The following MYO10 variants were observed in gnomAD, a reference collection of about 807,000 sequenced individuals.
MYO10 encodes unconventional myosin-X.
In MYO10, 133 loss-of-function variants were observed where a neutral mutation model predicts 257.3. The ratio of observed to expected loss-of-function variants is 0.52; its 90% CI spans 0.45 to 0.60. The LOEUF is 0.60. MYO10 is among the 20% of genes least tolerant of loss of function. The probability of loss-of-function intolerance (pLI) is 0.00; values close to 1 mark genes in which losing one functional copy is unlikely to be tolerated. For synonymous variants in MYO10, 1,104 were observed against 1,028.6 expected (o/e 1.07, Z -1.40); for missense variants, 2,399 against 2,635.7 (o/e 0.91, Z 1.97).
At chr5:16,905,238 A>G (rs1031472610) in intron 1 of MYO10, among the ~76,000 whole-genome samples, 5 of 152,118 alleles carry the variant, frequency 3.3e-5, no homozygotes, top group African/African-American at 9.7e-5. Context: ...ACCTCCAAGA[A>G]TGGACTCGGT....
chr5:16,761,596 A>C, intron 16 of MYO10, 50 bp from the exon 17 acceptor site: 2 of 1,370,524 alleles, frequency 1.5e-6, no homozygotes, highest in Non-Finnish European at 2.1e-6. Context: ...GAATAGTTTC[A>C]GGTCATAAGC....
rs548441815 is a variant in MYO10, at chr5:16,930,075, C to T, written c.21+5713G>A. Among the ~76,000 whole-genome samples, 3 of 152,268 alleles carry T rather than the reference C, an allele frequency of 2.0e-5. No individual in the cohort carries two copies. The East Asian group carries it at 5.8e-4, about 29-fold the overall frequency. On this transcript the variant is annotated intron_variant, in intron 1 of 40. Coordinates refer to ENST00000513610, the MANE Select transcript of MYO10 (RefSeq NM_012334.3). ...TACTTACAAATAAGATATTTAACCT[C>T]GCAAGGCTGTTTACTCATTTGAAAA...
chr5:16,893,633 C>CAAAAAAA (rs58021066), intron 1 of MYO10, among the ~76,000 whole-genome samples: 111 of 57,204 alleles, frequency 1.9e-3, no homozygotes, highest in African/African-American at 4.5e-3. Context: ...GACTCTGTCT[C>CAAAAAAA]AAAAAAAAAA....
chr5:16,892,595 A>G (rs558757679), intron 1 of MYO10, among the ~76,000 whole-genome samples: 42 of 152,174 alleles, frequency 2.8e-4, no homozygotes, highest in Non-Finnish European at 5.3e-4. Flanking sequence ...GTGAGCCAAG[A>G]CTGCGCCACT....
At chr5:16,902,448 G>T in intron 1 of MYO10, 1 of 1,274,876 alleles carries the variant, frequency 7.8e-7, no homozygotes, top group Non-Finnish European at 1.1e-6. Flanking sequence ...ATACAGCTTG[G>T]GAAGCACATA....
chr5:16,689,967 TGAA>T, intron 27 of MYO10, 48 bp from the exon 28 acceptor site: 1 of 1,371,442 alleles, frequency 7.3e-7, no homozygotes. Flanking sequence ...CACCAAATTC[TGAA>T]TAACTGAGGA....
At chr5:16,727,427 T>C (rs1739413276) in intron 19 of MYO10, among the ~76,000 whole-genome samples, 1 of 152,262 alleles carries the variant, frequency 6.6e-6, no homozygotes, top group Admixed American at 6.5e-5. Flanking sequence ...AAGGCTTGCA[T>C]GTTTAGAGAC....
chr5:16,676,191 T>C, intron 33 of MYO10, 37 bp from the exon 34 acceptor site: 2 of 1,604,100 alleles, frequency 1.2e-6, no homozygotes, highest in Non-Finnish European at 1.7e-6. Flanking sequence ...GTAAGAAACC[T>C]GTATTTTCCT....
intron 1 of MYO10, among the ~76,000 whole-genome samples, chr5:16,890,426 T>C (rs1189956363): frequency 6.6e-6 from 1 of 151,722 alleles, no homozygotes; most frequent in African/African-American, 2.4e-5. Flanking sequence ...ACACGAAAAC[T>C]TGTACACAAA....
rs770395712 is a variant in MYO10 at position 16,751,648 on chromosome 5, ATTTTT to A, written c.1929+3175_1929+3179del. 3.5e-5 allele frequency among the ~76,000 whole-genome samples: 5 copies of A among 140,882 alleles called. No individual in the cohort carries two copies. In the South Asian group the frequency reaches 1.1e-3, roughly 32 times the overall value. 92.4% of individuals were successfully genotyped at this position (140,882 alleles called of 152,430 possible). On this transcript the variant is annotated intron_variant, in intron 19 of 40. Coordinates refer to ENST00000513610, the MANE Select transcript of MYO10 (RefSeq NM_012334.3). ...AGGCACGCGCCACCAAACCTGGCTA[ATTTTT>A]TTTTTTTTTTTTTAGTAGAGACGAG... is the stretch of plus-strand genomic sequence containing the variant.
chr5:16,796,411 GGAAA>G (rs1181614870), intron 3 of MYO10, among the ~76,000 whole-genome samples: 1 of 117,982 alleles, frequency 8.5e-6, no homozygotes. Flanking sequence ...GAAAAAGAAA[GGAAA>G]GAAAGGAAAA....
At chr5:16,834,039 C>T (rs1743236144) in intron 2 of MYO10, among the ~76,000 whole-genome samples, 1 of 152,092 alleles carries the variant, frequency 6.6e-6, no homozygotes, top group Non-Finnish European at 1.5e-5. Flanking sequence ...CCCATTGTTT[C>T]ACCTGCCAAG....
At chr5:16,684,029 A>G (rs1020061864) in intron 29 of MYO10, 94 bp from the exon 30 acceptor site, 4 of 1,143,416 alleles carry the variant, frequency 3.5e-6, no homozygotes, top group Non-Finnish European at 5.1e-6. Flanking sequence ...CCAATCAGAC[A>G]GAAAAGGCTC....
chr5:16,795,723 A>T (rs1353594019), intron 3 of MYO10, among the ~76,000 whole-genome samples: 2 of 152,040 alleles, frequency 1.3e-5, no homozygotes, highest in African/African-American at 4.8e-5. Flanking sequence ...TACCCAGGCT[A>T]GTCTCGAACT....
rs1334062614 is a variant in MYO10 at position 16,664,333 on chromosome 5, T to G, written c.*2359A>C. On this transcript the variant is annotated 3_prime_UTR_variant, in exon 41 of 41. Transcript: ENST00000513610. ...GAGGGCGGGCGACAGCCTTCCAGAG[T>G]AAATTAAGTCACAGAGGGAATCCTG... is the stretch of plus-strand genomic sequence containing the variant. 3 of 152,088 alleles carry G rather than the reference T, an allele frequency of 2.0e-5. No homozygotes were observed. Among genetic ancestry groups the G allele is most frequent in the Non-Finnish European group, 4.4e-5 (3 of 68,042 alleles). 9.4% of individuals were successfully genotyped at this position (152,088 alleles called of 1,614,324 possible).
chr5:16,806,516 G>A (rs1467469691), intron 3 of MYO10, among the ~76,000 whole-genome samples: 5 of 151,702 alleles, frequency 3.3e-5, no homozygotes, highest in Admixed American at 6.6e-5. Flanking sequence ...GGTGGCGGGC[G>A]CCTACTACGT....
intron 17 of MYO10, among the ~76,000 whole-genome samples, chr5:16,759,837 A>G (rs1740650793): frequency 6.6e-6 from 1 of 152,196 alleles, no homozygotes; most frequent in Admixed American, 6.5e-5. Flanking sequence ...ATAGCTAACA[A>G]TGTTGTATAT....
In MYO10 at chr5:16,704,696, C is replaced by T. The variant is rs1469015716; in HGVS notation, c.2170-11G>A. 4 of 1,608,986 alleles carry T rather than the reference C, an allele frequency of 2.5e-6. No individual in the cohort carries two copies. Among genetic ancestry groups the T allele is most frequent in the South Asian group, 2.2e-5 (2 of 90,816 alleles). On this transcript the variant is annotated splice_polypyrimidine_tract_variant and intron_variant, in intron 21 of 40. Transcript: ENST00000513610. ...TTCTCGAAGAAAGACCTGCTCAGGA[C>T]GGAGTCACATGTCAGAAGCAAAGAA...
At chr5:16,686,276 T>C (rs545618273) in intron 28 of MYO10, among the ~76,000 whole-genome samples, 14 of 152,302 alleles carry the variant, frequency 9.2e-5, no homozygotes, top group East Asian at 5.8e-4. Context: ...AGAAGATCAA[T>C]ATAGGTTGAG....
Sources: allele counts gnomAD v4.1 joint callset (sites outside exome capture counted in the v4.1 genomes callset), GRCh38; gene constraint gnomAD v4.1.1; transcripts MANE v1.5; gene names NCBI Gene and HGNC (gene_info 2026-07-23, HGNC 2026-07-21).